Variants in PDE1C observed in about 807,000 individuals in gnomAD.
The protein encoded by PDE1C is phosphodiesterase 1C, also known as dual specificity calcium/calmodulin-dependent 3',5'-cyclic nucleotide phosphodiesterase 1C.
PDE1C carries 62 observed loss-of-function variants against 93.1 expected under a neutral mutation model. The ratio of observed to expected loss-of-function variants is 0.67; its 90% CI spans 0.54 to 0.82. The LOEUF (loss-of-function observed/expected upper bound fraction) is 0.82, where lower values mean the gene tolerates loss of function less well. Among genes scored for constraint, PDE1C ranks in the 40% least tolerant of loss-of-function variants. The pLI, the probability that PDE1C is intolerant of heterozygous loss-of-function variation, is 0.00. For synonymous variants in PDE1C, 325 were observed against 310.1 expected (o/e 1.05, Z -0.50); for missense variants, 742 against 884.6 (o/e 0.84, Z 2.04).
chr7:32,220,418 C>A (rs1050165472), intron 1 of PDE1C, among the ~76,000 whole-genome samples: 31 of 152,276 alleles, frequency 2.0e-4, no homozygotes, highest in African/African-American at 7.5e-4. Context: ...AGTCACTTTC[C>A]CAAATCAACA....
chr7:31,621,063 A>C, the PDE1C span, among the ~76,000 whole-genome samples: 3 of 151,866 alleles, frequency 2.0e-5, no homozygotes, highest in Admixed American at 6.6e-5. Flanking sequence ...GAGAAAAAAG[A>C]ATAAAAAGAA....
chr7:31,733,337 G>T, the PDE1C span, among the ~76,000 whole-genome samples: 3 of 152,214 alleles, frequency 2.0e-5, no homozygotes, highest in African/African-American at 7.2e-5. Flanking sequence ...CTTGTAGAGG[G>T]GATGGTGAGA....
chr7:32,207,978 A>AG lies in PDE1C; in HGVS notation c.136+1510dup, dbSNP rs546321364. On this transcript the variant is annotated intron_variant, in intron 2 of 18. Transcript: ENST00000396193. ...TGCCTGACAACTGCTCAGGAGATGAAGAAAAAAATGGGATAAAAGCATATT... is the reference window on the plus strand; with the variant it reads ...TGCCTGACAACTGCTCAGGAGATGAAGGAAAAAAATGGGATAAAAGCATATT... Among the ~76,000 whole-genome samples, 19 of 152,350 alleles carry AG rather than the reference A, an allele frequency of 1.2e-4. No homozygotes were observed. In the East Asian group the frequency reaches 3.5e-3, roughly 28 times the overall value.
At chr7:32,374,673 C>T (rs953804240) in intron 1 of PDE1C, among the ~76,000 whole-genome samples, 2 of 152,218 alleles carry the variant, frequency 1.3e-5, no homozygotes, top group African/African-American at 4.8e-5. Flanking sequence ...TCTGTCTGTT[C>T]CAATTTCTTA....
chr7:31,677,543 G>T, the PDE1C span, among the ~76,000 whole-genome samples: 1 of 152,074 alleles, frequency 6.6e-6, no homozygotes, highest in African/African-American at 2.4e-5. Flanking sequence ...TAAGGAGAAA[G>T]ATCATATTTT....
At chr7:31,627,715 A>G in the PDE1C span, among the ~76,000 whole-genome samples, 1 of 151,606 alleles carries the variant, frequency 6.6e-6, no homozygotes, top group South Asian at 2.1e-4. Flanking sequence ...GAAAGTGACT[A>G]AACTTGACAG....
At chr7:32,011,264 T>C (rs10274301) in intron 2 of PDE1C, among the ~76,000 whole-genome samples, 44,338 of 151,730 alleles carry the variant, frequency 0.29, 6,861 homozygotes, top group Non-Finnish European at 0.35. Flanking sequence ...GCAATCTCAG[T>C]TCACTGCAAG....
At chr7:32,282,485 A>AATAGATAGCTAGATAGATACATAG (rs376678996) in intron 1 of PDE1C, among the ~76,000 whole-genome samples, 5 of 143,934 alleles carry the variant, frequency 3.5e-5, no homozygotes, top group Admixed American at 6.9e-5. Context: ...TCAAAAAAAA[A>AATAGATAGCTAGATAGATACATAG]ATAGATAGAT....
chr7:32,279,297 A>G (rs750277002), intron 1 of PDE1C, among the ~76,000 whole-genome samples: 5 of 152,222 alleles, frequency 3.3e-5, no homozygotes, highest in Non-Finnish European at 5.9e-5. Flanking sequence ...TAGAAAAGAT[A>G]AAAGGTAAAG....
At chr7:31,828,196 C>T (rs1292309715) in intron 12 of PDE1C, 96 bp downstream of exon 12, 1 of 913,856 alleles carries the variant, frequency 1.1e-6, no homozygotes, top group African/African-American at 1.6e-5. Flanking sequence ...CAGAATGGAG[C>T]CAGTTTCCCA....
chr7:32,202,732 G>A (rs1805102536), intron 2 of PDE1C, among the ~76,000 whole-genome samples: 1 of 152,146 alleles, frequency 6.6e-6, no homozygotes, highest in Non-Finnish European at 1.5e-5. Context: ...GTCACTGGGG[G>A]AGCTTCGAGA....
At chr7:32,219,971 T>C (rs1021822644) in intron 1 of PDE1C, among the ~76,000 whole-genome samples, 1 of 152,196 alleles carries the variant, frequency 6.6e-6, no homozygotes, top group Admixed American at 6.5e-5. Context: ...CGAGATCTGA[T>C]GATTTTACAA....
At chr7:31,625,880 C>T in the PDE1C span, among the ~76,000 whole-genome samples, 1 of 151,942 alleles carries the variant, frequency 6.6e-6, no homozygotes, top group East Asian at 1.9e-4. Context: ...AAAGTGATCT[C>T]ATCTAAAATT....
intron 2 of PDE1C, among the ~76,000 whole-genome samples, chr7:31,963,483 C>G (rs918707265): frequency 6.6e-6 from 1 of 152,212 alleles, no homozygotes; most frequent in Admixed American, 6.5e-5. Context: ...CTTCATATAA[C>G]TTCTGTCCAT....
intron 2 of PDE1C, among the ~76,000 whole-genome samples, chr7:31,939,175 T>C (rs1045408292): frequency 6.6e-6 from 1 of 152,104 alleles, no homozygotes; most frequent in Non-Finnish European, 1.5e-5. Context: ...GTTTTAAAAA[T>C]TCATGTAGAA....
In PDE1C at chr7:32,345,802, C is replaced by A. The variant is rs117336331; in HGVS notation, c.310+82020G>T. Among the ~76,000 whole-genome samples the A allele has an allele frequency of 7.6e-3, 1,158 of 152,210 alleles. 12 individuals are homozygous for A. The highest frequency in any genetic ancestry group is 0.024 in the Middle Eastern group (7 of 294). Reference sequence around the variant, plus strand: ...TGCAAATCAAAACCACAATGAGATACCACCACACCCTCTAGCAGAATGGCT... The same window carrying A: ...TGCAAATCAAAACCACAATGAGATAACACCACACCCTCTAGCAGAATGGCT... On this transcript the variant is annotated intron_variant, in intron 1 of 1. Transcript: ENST00000672256.
At chr7:32,065,912 C>T (rs941309027) in intron 1 of PDE1C, among the ~76,000 whole-genome samples, 1 of 152,202 alleles carries the variant, frequency 6.6e-6, no homozygotes, top group African/African-American at 2.4e-5. Flanking sequence ...GCTCATGTAG[C>T]TGGGACAGCT....
chr7:31,833,261 T>C (rs1277662717), intron 11 of PDE1C, among the ~76,000 whole-genome samples: 2 of 152,222 alleles, frequency 1.3e-5, no homozygotes, highest in Non-Finnish European at 2.9e-5. Flanking sequence ...TGTGGAACTG[T>C]GAGTCAATTA....
At chr7:31,826,872 G>C (rs1789739837) in intron 12 of PDE1C, among the ~76,000 whole-genome samples, 1 of 152,132 alleles carries the variant, frequency 6.6e-6, no homozygotes, top group African/African-American at 2.4e-5. Context: ...AGACTTTGCA[G>C]GCCATATCAT....
Sources: gnomAD v4.1 joint callset for allele counts (sites outside exome capture counted in the v4.1 genomes callset) on GRCh38, gnomAD v4.1.1 for gene constraint, MANE v1.5 for transcripts, NCBI Gene and HGNC (gene_info 2026-07-23, HGNC 2026-07-21) for gene names.